Variants in LGR6 observed in about 807,000 individuals in gnomAD.
LGR6 encodes the protein leucine-rich repeat-containing G protein-coupled receptor 6.
Under a neutral mutation model 69.4 loss-of-function variants are expected in LGR6, and 45 were observed. The observed-to-expected ratio is 0.65, with a 90% CI of 0.51 to 0.83. The LOEUF (loss-of-function observed/expected upper bound fraction) is 0.83. Ranked by LOEUF, LGR6 falls within the 40% of genes least tolerant of loss-of-function variation. The pLI is 0.00. For synonymous variants in LGR6, 538 were observed against 555.0 expected, an observed-to-expected ratio of 0.97 and a Z score of 0.43; for missense variants, 1,108 against 1,246.7, an observed-to-expected ratio of 0.89 and a Z score of 1.68.
intron 12 of LGR6, chr1:202,306,620 A>G (rs919455919): frequency 1.5e-5 from 8 of 528,996 alleles, no homozygotes; most frequent in Non-Finnish European, 2.7e-5. Flanking sequence ...CCCAGTGGGA[A>G]CACTGGAAGC....
intron 6 of LGR6, among the ~76,000 whole-genome samples, chr1:202,294,159 T>C (rs1392016089): frequency 2.0e-5 from 3 of 152,236 alleles, no homozygotes; most frequent in Non-Finnish European, 2.9e-5. Context: ...TTAGATGTCT[T>C]CATTGCTTCA....
chr1:202,318,828 G>GGCCCC lies in LGR6; in HGVS notation c.2528_2532dup (p.Ala845ProfsTer9). 6.2e-7 allele frequency: 1 copy of GGCCCC among 1,613,154 alleles called. No homozygotes were observed. Among genetic ancestry groups the GGCCCC allele is most frequent in the Non-Finnish European group, 8.5e-7 (1 of 1,179,656 alleles). On this transcript the variant is annotated frameshift_variant, in exon 18 of 18. Transcript: ENST00000367278. LOFTEE classifies it low-confidence loss of function (END_TRUNC). ...TTCCGGGATGACCTTCGGCGGCTTCGGCCCCGCGCAGGGGACTCAGGGCCC... is the reference window on the plus strand; with the variant it reads ...TTCCGGGATGACCTTCGGCGGCTTCGGCCCCGCCCCGCGCAGGGGACTCAGGGCCC...
At chr1:202,276,575 C>T (rs1665579005) in intron 5 of LGR6, 54 bp downstream of exon 5, 2 of 1,434,728 alleles carry the variant, frequency 1.4e-6, no homozygotes, top group Middle Eastern at 1.8e-4. Context: ...GGGCTGGGGG[C>T]TGCATGTTTA....
chr1:202,230,248 C>T (rs1330021607), intron 3 of LGR6, among the ~76,000 whole-genome samples: 1 of 152,028 alleles, frequency 6.6e-6, no homozygotes, highest in Non-Finnish European at 1.5e-5. Context: ...TCATGTCTTT[C>T]CCACACCCCC....
At chr1:202,274,632 G>A (rs1259848650) in intron 4 of LGR6, among the ~76,000 whole-genome samples, 2 of 152,214 alleles carry the variant, frequency 1.3e-5, no homozygotes, top group Admixed American at 6.5e-5. Context: ...GATTTAGTAA[G>A]TCTGGGGTGG....
In LGR6 at chr1:202,319,610, T is replaced by C. The variant is rs572580214; in HGVS notation, c.*403T>C. ...TTTCCCGTGTGACTCATGGATAGGA[T>C]ACAAAATGTGTTCCATGTACCATTA... On this transcript the variant is annotated 3_prime_UTR_variant, in exon 18 of 18. Transcript: ENST00000367278. 1.0e-4 allele frequency: 19 copies of C among 181,490 alleles called. No individual in the cohort carries two copies. Among genetic ancestry groups the C allele is most frequent in the Non-Finnish European group, 2.0e-4 (17 of 85,958 alleles). 11.2% of individuals were successfully genotyped at this position (181,490 alleles called of 1,614,324 possible). A position where few individuals can be genotyped will look rare whatever the true frequency, so the allele number is the denominator to read the frequency against.
In LGR6 at chr1:202,318,858, C is replaced by A. The variant is rs748193832; in HGVS notation, c.2555C>A (p.Ala852Asp). Reference protein sequence around the residue: ...RPRAGDSGPLAYAAAGELEKS... With the variant: ...RPRAGDSGPLDYAAAGELEKS... ...CGCGCAGGGGACTCAGGGCCCCTAG[C>A]CTATGCTGCGGCCGGGGAGCTGGAG... The change falls in exon 18 of 18, where the codon GCC becomes GAC. Residue 852 changes from alanine to aspartate, a missense_variant. Ala to Asp is a moderately radical substitution (Grantham distance 126, BLOSUM62 -2). Coordinates refer to ENST00000367278, the MANE Select transcript of LGR6 (RefSeq NM_001017403.2). 1 of 1,613,620 alleles carries A rather than the reference C, an allele frequency of 6.2e-7. No individual in the cohort carries two copies. The highest frequency in any genetic ancestry group is 8.5e-7 in the Non-Finnish European group (1 of 1,179,806).
intron 1 of LGR6, among the ~76,000 whole-genome samples, chr1:202,212,242 T>C (rs1659491085): frequency 6.6e-6 from 1 of 152,110 alleles, no homozygotes. Flanking sequence ...GAGAATGACT[T>C]TCCTAGGTGG....
chr1:202,286,716 A>G (rs1051733713), intron 6 of LGR6, among the ~76,000 whole-genome samples: 1 of 152,132 alleles, frequency 6.6e-6, no homozygotes, highest in Non-Finnish European at 1.5e-5. Flanking sequence ...CTTATAGAGG[A>G]ATTTATTGCT....
intron 1 of LGR6, among the ~76,000 whole-genome samples, chr1:202,201,423 T>G (rs1283819298): frequency 6.6e-6 from 1 of 152,230 alleles, no homozygotes; most frequent in Non-Finnish European, 1.5e-5. Flanking sequence ...TCAAGCACTT[T>G]ATCTGCATCA....
At chr1:202,261,144 A>G (rs961523868) in intron 4 of LGR6, among the ~76,000 whole-genome samples, 8 of 151,998 alleles carry the variant, frequency 5.3e-5, no homozygotes, top group Admixed American at 1.3e-4. Context: ...CAGCTTAGTT[A>G]CATATGTATA....
At chr1:202,239,100 C>T (rs1191837513) in intron 4 of LGR6, among the ~76,000 whole-genome samples, 1 of 152,124 alleles carries the variant, frequency 6.6e-6, no homozygotes, top group African/African-American at 2.4e-5. Flanking sequence ...CGGATGGCCT[C>T]TTTCTCCATC....
At chr1:202,317,307 T>G (rs893390166) in intron 17 of LGR6, among the ~76,000 whole-genome samples, 2 of 151,778 alleles carry the variant, frequency 1.3e-5, no homozygotes, top group African/African-American at 4.8e-5. Context: ...GGGTTTGTAC[T>G]GTATTAATTT....
In LGR6 at chr1:202,310,287, C is replaced by T; in HGVS notation, c.1497C>T (p.Asp499=). ...FKASGQWEAE[D]LHLDDEESSK... ...CCTCTGGGCAGTGGGAGGCTGAAGA[C>T]CTTCACCTTGATGATGAGGAGTCTT... The change falls in exon 16 of 18, where the codon GAC becomes GAT. Residue 499 remains aspartate, a synonymous_variant. Transcript: ENST00000367278. 6.2e-7 allele frequency: 1 copy of T among 1,614,066 alleles called. No individual in the cohort carries two copies. Among genetic ancestry groups the T allele is most frequent in the Non-Finnish European group, 8.5e-7 (1 of 1,179,996 alleles).
chr1:202,283,303 G>C (rs1490702560), intron 6 of LGR6, among the ~76,000 whole-genome samples: 1 of 152,150 alleles, frequency 6.6e-6, no homozygotes, highest in African/African-American at 2.4e-5. Flanking sequence ...TTTATCCTCT[G>C]TTCCCCAGAG....
At chr1:202,236,102 C>T in intron 4 of LGR6, 109 bp downstream of exon 4, 1 of 839,442 alleles carries the variant, frequency 1.2e-6, no homozygotes, top group South Asian at 1.4e-5. Flanking sequence ...GCCCCCTCTC[C>T]CAGTCCACGT....
intron 3 of LGR6, among the ~76,000 whole-genome samples, chr1:202,232,476 T>C (rs2147982693): frequency 6.6e-6 from 1 of 152,258 alleles, no homozygotes; most frequent in East Asian, 1.9e-4. Flanking sequence ...CCCAGAGACT[T>C]TGCCCCAGAG....
intron 6 of LGR6, among the ~76,000 whole-genome samples, chr1:202,294,179 T>C (rs1482102220): frequency 1.3e-5 from 2 of 152,242 alleles, no homozygotes; most frequent in African/African-American, 4.8e-5. Flanking sequence ...ATCTATCAAG[T>C]ATTTGTTGAG....
At chr1:202,316,094 T>C (rs1410026725) in intron 17 of LGR6, among the ~76,000 whole-genome samples, 2 of 152,168 alleles carry the variant, frequency 1.3e-5, no homozygotes, top group South Asian at 2.1e-4. Flanking sequence ...TTGATAAAAA[T>C]GTGACTTAAA....
Sources: gnomAD v4.1 joint callset for allele counts (sites outside exome capture counted in the v4.1 genomes callset) on GRCh38, gnomAD v4.1.1 for gene constraint, MANE v1.5 for transcripts, NCBI Gene and HGNC (gene_info 2026-07-23, HGNC 2026-07-21) for gene names.